Variants in INSRR observed in about 807,000 individuals in gnomAD.
INSRR encodes the protein insulin receptor related receptor.
Under a neutral mutation model 130.0 loss-of-function variants are expected in INSRR, and 114 were observed. The ratio of observed to expected loss-of-function variants is 0.88; its 90% CI spans 0.75 to 1.02. The LOEUF is 1.02. Ranked by LOEUF, INSRR falls within the 50% of genes least tolerant of loss-of-function variation. The pLI is 0.00. For synonymous variants in INSRR, 674 were observed against 705.2 expected (o/e 0.96, Z 0.70); for missense variants, 1,657 against 1,735.2 (o/e 0.95, Z 0.80).
At chr1:156,843,594 A>G (rs1438642553) in intron 15 of INSRR, 115 bp from the exon 16 acceptor site, 1 of 1,105,420 alleles carries the variant, frequency 9.0e-7, no homozygotes, top group Admixed American at 1.7e-5. Flanking sequence ...CCACACCCCC[A>G]GCCTTGGTCA....
chr1:156,846,462 C>T, intron 8 of INSRR, 57 bp downstream of exon 8: 1 of 1,393,988 alleles, frequency 7.2e-7, no homozygotes, highest in Non-Finnish European at 1.0e-6. Flanking sequence ...TGCCTGTGCT[C>T]CCCTGTTCTC....
chr1:156,853,726 C>T (rs746306755), intron 2 of INSRR, 26 bp downstream of exon 2: 2 of 1,573,280 alleles, frequency 1.3e-6, no homozygotes, highest in East Asian at 2.3e-5. Flanking sequence ...CCCTTCCCTA[C>T]ATTCATGTTC....
At chr1:156,857,397 C>T (rs1182667574) in intron 1 of INSRR, among the ~76,000 whole-genome samples, 1 of 152,200 alleles carries the variant, frequency 6.6e-6, no homozygotes, top group African/African-American at 2.4e-5. Flanking sequence ...TTTGGAAAAA[C>T]AAATCTAAAA....
intron 1 of INSRR, among the ~76,000 whole-genome samples, chr1:156,855,353 G>A (rs939565425): frequency 2.0e-5 from 3 of 152,190 alleles, no homozygotes; most frequent in Non-Finnish European, 2.9e-5. Flanking sequence ...ACAGGTGCCC[G>A]CCGCCATACC....
At chr1:156,841,307 AGAG>A in intron 21 of INSRR, 84 bp downstream of exon 21, 1 of 1,163,216 alleles carries the variant, frequency 8.6e-7, no homozygotes, top group Middle Eastern at 2.8e-4. Flanking sequence ...TCAAAGCATC[AGAG>A]GAGGTGAGCC....
intron 7 of INSRR, among the ~76,000 whole-genome samples, chr1:156,848,552 C>T (rs1261084355): frequency 6.6e-6 from 1 of 152,164 alleles, no homozygotes; most frequent in East Asian, 1.9e-4. Context: ...CAGAGCTGCT[C>T]ATAAAACTGG....
At position 156,845,799 on chromosome 1, in the gene INSRR, G is replaced by A; in HGVS notation, c.1994C>T (p.Thr665Ile). The A allele has an allele frequency of 6.2e-7, 1 of 1,612,410 alleles. No individual in the cohort carries two copies. The highest frequency in any genetic ancestry group is 1.3e-5 in the African/African-American group (1 of 75,028). ...GTCGAAGCGCGGATCGTTGTTGCTG[G>A]TGGGCAGCCGCAAGCCTGGCGCCGC... ...DYCHRGLRLP[T>I]SNNDPRFDGE... The change falls in exon 10 of 22, where the codon ACC becomes ATC. Residue 665 changes from threonine to isoleucine, a missense_variant. Thr to Ile is a moderately conservative substitution (Grantham distance 89). Transcript: ENST00000368195.
rs1251062063 is a variant in INSRR, at chr1:156,858,509, G to C, written c.85+28C>G. The C allele has an allele frequency of 3.3e-5, 52 of 1,585,012 alleles. No homozygotes were observed. The Admixed American group carries it at 5.2e-4, about 16-fold the overall frequency. On this transcript the variant is annotated intron_variant, in intron 1 of 21. Coordinates refer to ENST00000368195, the MANE Select transcript of INSRR (RefSeq NM_014215.3). ...CCCAGCTGGCTGGGAGGGAGGTAGG[G>C]GTCTGGGAGCCAGTTCTGGGGACTC...
rs199768028 is a variant in INSRR at position 156,843,089 on chromosome 1, G to A, written c.3041C>T (p.Thr1014Met). 40 of 1,613,974 alleles carry A rather than the reference G, an allele frequency of 2.5e-5. No individual in the cohort carries two copies. The highest frequency in any genetic ancestry group is 2.1e-4 in the African/African-American group (16 of 74,878). Residue 1014 changes from threonine (T) to methionine (M), a missense_variant, in exon 17 of 22, where the codon ACG becomes ATG. Physicochemically the swap from Thr to Met is moderately conservative, Grantham distance 81. Transcript: ENST00000368195. ...GEESTPVALK[T>M]VNELASPREC... ...CCGTGGGCTGGCCAGCTCATTCACC[G>A]TCTTCAGGGCCACGGGTGTGGACTC...
In INSRR at chr1:156,845,280, G is replaced by C; in HGVS notation, c.2233C>G (p.Arg745Gly). The stretch of plus-strand genomic sequence containing the variant: ...AGCCGGAGGGGCCCAGCTGCCCGGC[G>C]GTGCCGCCCTGAGTCCCTGGGGAGA... ...KSPQRDSGRH[R>G]RAAGPLRLGG... The change falls in exon 12 of 22, where the codon CGC (arginine) becomes GGC (glycine). Residue 745 changes from arginine (R) to glycine (G), a missense_variant. By Grantham distance (125) the Arg-to-Gly change is moderately radical. Coordinates refer to ENST00000368195, the MANE Select transcript of INSRR (RefSeq NM_014215.3). The C allele has an allele frequency of 6.2e-7, 1 of 1,612,474 alleles. No homozygotes were observed. Among genetic ancestry groups the C allele is most frequent in the Non-Finnish European group, 8.5e-7 (1 of 1,179,362 alleles).
Position 156,858,713 on chromosome 1 carries a change from G to A in INSRR, c.-92C>T. 9.3e-7 allele frequency: 1 copy of A among 1,074,356 alleles called. No individual in the cohort carries two copies. Among genetic ancestry groups the A allele is most frequent in the Non-Finnish European group, 1.4e-6 (1 of 693,930 alleles). The allele number at this position is 1,074,356 out of a possible 1,614,324, so 66.6% of individuals were successfully genotyped here. On this transcript the variant is annotated 5_prime_UTR_variant, in exon 1 of 22. Coordinates refer to ENST00000368195, the MANE Select transcript of INSRR (RefSeq NM_014215.3). ...TAAGCCCTAAGGGACACAGAGACCA[G>A]GGTTCAGATAGGAGAGGGAGGGCAG... is the stretch of plus-strand genomic sequence containing the variant.
intron 1 of INSRR, among the ~76,000 whole-genome samples, chr1:156,857,968 G>C (rs1655469197): frequency 6.6e-6 from 1 of 152,136 alleles, no homozygotes; most frequent in Non-Finnish European, 1.5e-5. Context: ...TAGCCTGGGG[G>C]ACAGGCCCTG....
rs1328682419 is a variant in INSRR, at chr1:156,840,107, A to C, written c.*766T>G. The C allele has an allele frequency of 1.1e-5, 1 of 94,700 alleles. No individual in the cohort carries two copies. The highest frequency in any genetic ancestry group is 2.0e-5 in the Non-Finnish European group (1 of 50,572). The allele number at this position is 94,700 out of a possible 1,614,324, so 5.9% of individuals were successfully genotyped here. ...TTATTGTGCCTTCTCCAGTCTTCCC[A>C]TGAGAGGCAGGGGTGGGGGCGGGGC... On this transcript the variant is annotated 3_prime_UTR_variant, in exon 22 of 22. Coordinates refer to ENST00000368195, the MANE Select transcript of INSRR (RefSeq NM_014215.3).
chr1:156,841,187 G>T, intron 21 of INSRR, 83 bp from the exon 22 acceptor site: 1 of 1,150,338 alleles, frequency 8.7e-7, no homozygotes, highest in Non-Finnish European at 1.3e-6. Flanking sequence ...GTCAGTTGGT[G>T]GGAGTGGGGA....
At position 156,840,923 on chromosome 1, in the gene INSRR, A is replaced by T. The variant is rs1255082347; in HGVS notation, c.3844T>A (p.Ser1282Thr). The change falls in exon 22 of 22, where the codon TCA (serine) becomes ACA (threonine). Residue 1282 changes from serine (S) to threonine (T), a missense_variant. Ser to Thr is a moderately conservative substitution (Grantham distance 58). Coordinates refer to ENST00000368195, the MANE Select transcript of INSRR (RefSeq NM_014215.3). ...GGGCTGCAGTCTCTTGGAGTGGGTG[A>T]GGAGTCAGGCTCTGCATCGGTGGTA... ...LPTTDAEPDS[S>T]PTPRDCSPQN... is the part of the protein sequence containing the mutation. 2 of 1,614,020 alleles carry T rather than the reference A, an allele frequency of 1.2e-6. No homozygotes were observed. The highest frequency in any genetic ancestry group is 1.7e-6 in the Non-Finnish European group (2 of 1,179,958).
At chr1:156,842,546 C>T (rs1378761077) in intron 17 of INSRR, 38 bp from the exon 18 acceptor site, 2 of 1,559,928 alleles carry the variant, frequency 1.3e-6, no homozygotes, top group South Asian at 1.1e-5. Flanking sequence ...CCCCTAGTTC[C>T]CCTTGACCCA....
intron 5 of INSRR, 37 bp downstream of exon 5, chr1:156,851,253 T>C: frequency 6.2e-7 from 1 of 1,611,010 alleles, no homozygotes; most frequent in Non-Finnish European, 8.5e-7. Flanking sequence ...GAGGAAGGAG[T>C]GTAATAGAAG....
rs1368495246 is a variant in INSRR at position 156,853,733 on chromosome 1, G to T, written c.637+19C>A. 1.3e-6 allele frequency: 2 copies of T among 1,583,366 alleles called. No individual in the cohort carries two copies. Among genetic ancestry groups the T allele is most frequent in the East Asian group, 2.3e-5 (1 of 44,310 alleles). ...TGCTCTCTCCCTTCCCTACATTCAT[G>T]TTCTGTGCCAGTGCCCACCTCTCTG... On this transcript the variant is annotated intron_variant, in intron 2 of 21. Coordinates refer to ENST00000368195, the MANE Select transcript of INSRR (RefSeq NM_014215.3).
At chr1:156,853,519 C>G (rs903529458) in intron 2 of INSRR, among the ~76,000 whole-genome samples, 1 of 152,214 alleles carries the variant, frequency 6.6e-6, no homozygotes, top group Non-Finnish European at 1.5e-5. Context: ...CACCTTGAAC[C>G]TGTCCTTCAC....
Sources: allele counts gnomAD v4.1 joint callset (sites outside exome capture counted in the v4.1 genomes callset), GRCh38; gene constraint gnomAD v4.1.1; transcripts MANE v1.5; gene names NCBI Gene and HGNC (gene_info 2026-07-23, HGNC 2026-07-21).